Variants in CCSER1 observed in about 807,000 individuals in gnomAD.
The protein encoded by CCSER1 is coiled-coil serine rich protein 1.
In CCSER1, 41 loss-of-function variants were observed where a neutral mutation model predicts 82.0. That is an observed-to-expected ratio of 0.50 (90% CI 0.39 to 0.65). The LOEUF is 0.65. CCSER1 is among the 30% of genes least tolerant of loss of function. CCSER1 has a pLI of 0.00. For missense variants in CCSER1, 1,119 were observed against 1,064.2 expected (o/e 1.05, Z -0.72); for synonymous variants, 414 against 383.9 (o/e 1.08, Z -0.92).
At chr4:90,674,967 T>C (rs1733556977) in intron 6 of CCSER1, among the ~76,000 whole-genome samples, 1 of 152,026 alleles carries the variant, frequency 6.6e-6, no homozygotes, top group South Asian at 2.1e-4. Context: ...TTTCAGTGGG[T>C]GATTCAGTAA....
intron 10 of CCSER1, among the ~76,000 whole-genome samples, chr4:91,217,128 A>G (rs1737307537): frequency 6.6e-6 from 1 of 151,846 alleles, no homozygotes; most frequent in African/African-American, 2.4e-5. Context: ...GAAGCTGCAG[A>G]CCTTCACGGT....
At chr4:90,893,028 T>G (rs1723176669) in intron 8 of CCSER1, among the ~76,000 whole-genome samples, 1 of 152,110 alleles carries the variant, frequency 6.6e-6, no homozygotes, top group South Asian at 2.1e-4. Context: ...AGTACTACTA[T>G]TCTCAGGCAC....
intron 4 of CCSER1, among the ~76,000 whole-genome samples, chr4:90,433,428 A>AG (rs952471101): frequency 3.3e-5 from 5 of 152,144 alleles, no homozygotes; most frequent in African/African-American, 1.2e-4. Context: ...TATAGTTCTT[A>AG]AAGTATGGTC....
chr4:90,851,007 T>C (rs11733348), intron 8 of CCSER1, among the ~76,000 whole-genome samples: 30,273 of 152,004 alleles, frequency 0.2, 3,114 homozygotes, highest in Non-Finnish European at 0.22. Context: ...TCTTCTCAGG[T>C]TGGTGAGTTC....
chr4:90,169,109 C>T (rs1259479562), intron 1 of CCSER1, among the ~76,000 whole-genome samples: 1 of 152,108 alleles, frequency 6.6e-6, no homozygotes, highest in African/African-American at 2.4e-5. Context: ...TACCCATGAG[C>T]ATGGAATGTT....
chr4:90,268,597 A>G (rs9996134), intron 1 of CCSER1, among the ~76,000 whole-genome samples: 10 of 152,026 alleles, frequency 6.6e-5, no homozygotes, highest in Admixed American at 3.3e-4. Context: ...GAGAAAATCA[A>G]CTTCACTAAA....
chr4:90,722,620 A>T (rs1368118506), intron 6 of CCSER1, among the ~76,000 whole-genome samples: 3 of 151,806 alleles, frequency 2.0e-5, no homozygotes, highest in Non-Finnish European at 4.4e-5. Context: ...TTAGTAGATT[A>T]TTGTTCAATT....
At chr4:90,739,593 C>A (rs1341205454) in intron 7 of CCSER1, among the ~76,000 whole-genome samples, 1 of 152,194 alleles carries the variant, frequency 6.6e-6, no homozygotes, top group Non-Finnish European at 1.5e-5. Flanking sequence ...TACCCCCAAG[C>A]TCTTTAGCCT....
In CCSER1 at chr4:91,040,610, G is replaced by C. The variant is rs143446450; in HGVS notation, c.2173-45340G>C. On this transcript the variant is annotated intron_variant, in intron 9 of 10. Transcript: ENST00000509176. ...ATTTGCACAAAAGATGTGCAAGCCA[G>C]GCTGTGTTGAGGCTCATCAGTGGGA... Among the ~76,000 whole-genome samples, 13 of 152,318 alleles carry C rather than the reference G, an allele frequency of 8.5e-5. No homozygotes were observed. The East Asian group carries it at 2.5e-3, about 29-fold the overall frequency.
At chr4:91,417,094 C>G (rs1321133490) in intron 10 of CCSER1, among the ~76,000 whole-genome samples, 2 of 152,056 alleles carry the variant, frequency 1.3e-5, no homozygotes, top group Non-Finnish European at 2.9e-5. Context: ...AGCAAACAAA[C>G]ATATGAAAAA....
intron 10 of CCSER1, among the ~76,000 whole-genome samples, chr4:91,275,577 T>G (rs1162451332): frequency 6.6e-6 from 1 of 152,170 alleles, no homozygotes; most frequent in East Asian, 1.9e-4. Flanking sequence ...CATATTAGTT[T>G]CTTGTTTGAT....
At chr4:90,264,581 G>A (rs1340296447) in intron 1 of CCSER1, among the ~76,000 whole-genome samples, 1 of 152,094 alleles carries the variant, frequency 6.6e-6, no homozygotes, top group Non-Finnish European at 1.5e-5. Flanking sequence ...TTACTGGAAT[G>A]CTTTTTGTAG....
chr4:90,994,792 G>A (rs115954854), intron 9 of CCSER1, among the ~76,000 whole-genome samples: 4,204 of 151,924 alleles, frequency 0.028, 194 homozygotes, highest in African/African-American at 0.096. Flanking sequence ...TTTCTTTTTT[G>A]GAAAAGCCTA....
chr4:91,591,181 A>T (rs1467415934), intron 10 of CCSER1, among the ~76,000 whole-genome samples: 1 of 152,156 alleles, frequency 6.6e-6, no homozygotes, highest in East Asian at 1.9e-4. Context: ...AAACAAGGCA[A>T]TAAGTAATAC....
chr4:91,199,716 A>T (rs1042372031), intron 10 of CCSER1, among the ~76,000 whole-genome samples: 23 of 152,188 alleles, frequency 1.5e-4, no homozygotes, highest in African/African-American at 5.5e-4. Flanking sequence ...TGCTTCATTT[A>T]AAAATAAATG....
chr4:90,279,603 ACT>A (rs1423609297), intron 1 of CCSER1, among the ~76,000 whole-genome samples: 2 of 151,996 alleles, frequency 1.3e-5, no homozygotes, highest in African/African-American at 2.4e-5. Context: ...TTCTCGCTGC[ACT>A]GTTTTCCAGC....
intron 4 of CCSER1, among the ~76,000 whole-genome samples, chr4:90,433,915 A>G (rs1392752615): frequency 2.6e-5 from 4 of 151,968 alleles, no homozygotes; most frequent in Admixed American, 2.6e-4. Context: ...AGGTTTAAAT[A>G]AAATTATAGG....
At chr4:90,657,106 ATAT>A (rs995241398) in intron 6 of CCSER1, among the ~76,000 whole-genome samples, 2 of 151,902 alleles carry the variant, frequency 1.3e-5, no homozygotes, top group African/African-American at 4.8e-5. Context: ...AACTTCCTTA[ATAT>A]TTATTTTAGT....
At chr4:91,158,982 C>G (rs1489384956) in intron 10 of CCSER1, among the ~76,000 whole-genome samples, 1 of 151,960 alleles carries the variant, frequency 6.6e-6, no homozygotes, top group Non-Finnish European at 1.5e-5. Flanking sequence ...TCCTTATTCT[C>G]TCACTCTAGG....
Sources: gnomAD v4.1 joint callset for allele counts (sites outside exome capture counted in the v4.1 genomes callset) on GRCh38, gnomAD v4.1.1 for gene constraint, MANE v1.5 for transcripts, NCBI Gene and HGNC (gene_info 2026-07-23, HGNC 2026-07-21) for gene names.